Variants in SAAL1 observed in about 807,000 individuals in gnomAD.
The protein encoded by SAAL1 is serum amyloid A like 1, also known as protein SAAL1.
In SAAL1, 42 loss-of-function variants were observed where a neutral mutation model predicts 59.8. The ratio of observed to expected loss-of-function variants is 0.70; its 90% CI spans 0.55 to 0.91. SAAL1 has a LOEUF of 0.91. Among genes scored for constraint, SAAL1 ranks in the 40% least tolerant of loss-of-function variants. SAAL1 has a pLI of 0.00. For synonymous variants in SAAL1, 191 were observed against 194.3 expected, an observed-to-expected ratio of 0.98 and a Z score of 0.14; for missense variants, 542 against 561.1, an observed-to-expected ratio of 0.97 and a Z score of 0.34.
At chr11:18,087,093 A>G in intron 8 of SAAL1, 39 bp from the exon 9 acceptor site, 1 of 1,600,966 alleles carries the variant, frequency 6.2e-7, no homozygotes, top group South Asian at 1.1e-5. Context: ...CTTTAAAATC[A>G]GCAAACAATT....
chr11:18,101,166 T>C (rs1848629511), intron 2 of SAAL1, among the ~76,000 whole-genome samples: 1 of 152,206 alleles, frequency 6.6e-6, no homozygotes, highest in Admixed American at 6.5e-5. Flanking sequence ...TTATGTCTCA[T>C]ACACTGCTTG....
intron 1 of SAAL1, 77 bp from the exon 2 acceptor site, chr11:18,103,423 A>T (rs1454372292): frequency 9.6e-7 from 1 of 1,040,772 alleles, no homozygotes; most frequent in East Asian, 2.4e-5. Context: ...ACAGCAGGTG[A>T]TCAAATAACA....
Position 18,103,344 on chromosome 11 carries a change from A to C in SAAL1, c.138T>G (p.Ile46Met), listed in dbSNP as rs374228988. Residue 46 changes from isoleucine to methionine, a missense_variant and splice_region_variant, in exon 2 of 12, where the codon ATT becomes ATG. Transcript: ENST00000524803. ...LFGVLSGLIQ[I>M]VSPENTKSSS... ...TAGATTTGGTGTTTTCAGGGCTAACAATCTTCAGAAACACAAAGAAAGAAA... is the reference window on the plus strand; with the variant it reads ...TAGATTTGGTGTTTTCAGGGCTAACCATCTTCAGAAACACAAAGAAAGAAA... The C allele has an allele frequency of 1.1e-5, 18 of 1,607,660 alleles. No homozygotes were observed. In the Admixed American group the frequency reaches 3.0e-4, roughly 27 times the overall value.
intron 1 of SAAL1, 68 bp from the exon 2 acceptor site, chr11:18,103,414 C>G (rs1848654839): frequency 1.8e-6 from 2 of 1,112,988 alleles, no homozygotes; most frequent in Non-Finnish European, 2.7e-6. Context: ...TACCCAAATA[C>G]AGCAGGTGAT....
At chr11:18,090,575 C>G in intron 4 of SAAL1, 82 bp from the exon 5 acceptor site, 1 of 1,471,924 alleles carries the variant, frequency 6.8e-7, no homozygotes, top group African/African-American at 1.4e-5. Flanking sequence ...TTTTGAACAT[C>G]TTTATTGTGA....
At chr11:18,083,809 G>A in intron 9 of SAAL1, 78 bp from the exon 10 acceptor site, 1 of 881,634 alleles carries the variant, frequency 1.1e-6, no homozygotes, top group Non-Finnish European at 1.7e-6. Context: ...ATTAGTGCTA[G>A]ACATTATTAT....
Position 18,096,807 on chromosome 11 carries a change from C to G in SAAL1, c.297G>C (p.Met99Ile). ...GACACTTGGACTTGGCCAGTACTCCCATGAATATATCAGGAGCATTAAATT... is the reference window on the plus strand; with the variant it reads ...GACACTTGGACTTGGCCAGTACTCCGATGAATATATCAGGAGCATTAAATT... Reference protein sequence around the residue: ...LQEFNAPDIFMGVLAKSKCPR... With the variant: ...LQEFNAPDIFIGVLAKSKCPR... The change falls in exon 3 of 12, where the codon ATG (methionine) becomes ATC (isoleucine). Residue 99 changes from methionine to isoleucine, a missense_variant. Physicochemically the swap from Met to Ile is conservative, Grantham distance 10. Coordinates refer to ENST00000524803, the MANE Select transcript of SAAL1 (RefSeq NM_138421.3). 6.3e-7 allele frequency: 1 copy of G among 1,588,036 alleles called. No individual in the cohort carries two copies. The highest frequency in any genetic ancestry group is 2.2e-5 in the East Asian group (1 of 44,702).
In SAAL1 at chr11:18,084,187, A is replaced by T. The variant is rs192397920; in HGVS notation, c.1043-456T>A. Among the ~76,000 whole-genome samples, 22 of 152,232 alleles carry T rather than the reference A, an allele frequency of 1.4e-4. No individual in the cohort carries two copies. In the East Asian group the frequency reaches 4.3e-3, roughly 29 times the overall value. ...CCGTGTCTTTACAAAAAGTACAAAA[A>T]AATTAGCTCACAGGATTTTTCTACC... is the stretch of plus-strand genomic sequence containing the variant. On this transcript the variant is annotated intron_variant, in intron 9 of 11. Coordinates refer to ENST00000524803, the MANE Select transcript of SAAL1 (RefSeq NM_138421.3).
At chr11:18,100,495 C>T (rs531709306) in intron 2 of SAAL1, among the ~76,000 whole-genome samples, 4 of 152,284 alleles carry the variant, frequency 2.6e-5, no homozygotes, top group East Asian at 1.9e-4. Flanking sequence ...TTTGGGAGGC[C>T]GGGGCAGGGG....
chr11:18,081,052 C>CATATTCATAATACATTTCTTTCCAAATAT (rs1848404661), intron 11 of SAAL1, among the ~76,000 whole-genome samples: 1 of 152,076 alleles, frequency 6.6e-6, no homozygotes, highest in African/African-American at 2.4e-5. Flanking sequence ...AGGTATATTA[C>CATATTCATAATACATTTCTTTCCAAATAT]ATGATGCCGA....
rs1848489843 is a variant in SAAL1 at position 18,088,483 on chromosome 11, G to A, written c.770+847C>T. Among the ~76,000 whole-genome samples the A allele has an allele frequency of 1.3e-5, 2 of 152,282 alleles. 1 individual carries two copies. The highest frequency in any genetic ancestry group is 6.8e-3 in the Middle Eastern group (2 of 294). On this transcript the variant is annotated intron_variant, in intron 7 of 11. Coordinates refer to ENST00000524803, the MANE Select transcript of SAAL1 (RefSeq NM_138421.3). ...TTTGCAAAAACAGCTTTAAAGTCTA[G>A]GCTTGGGAAGAGCAAGCATAGAGGC... is the stretch of plus-strand genomic sequence containing the variant.
chr11:18,091,041 C>CCAT (rs1265424919), intron 4 of SAAL1: 2 of 152,260 alleles, frequency 1.3e-5, no homozygotes, highest in African/African-American at 4.8e-5. Context: ...GCAGAGCACT[C>CCAT]CATTGTGTGA....
intron 6 of SAAL1, 135 bp from the exon 7 acceptor site, chr11:18,089,645 A>G: frequency 1.5e-6 from 1 of 671,836 alleles, no homozygotes; most frequent in Non-Finnish European, 2.4e-6. Context: ...TGATTTACTT[A>G]TCTTTTATGT....
rs759811330 is a variant in SAAL1 at position 18,086,936 on chromosome 11, G to A, written c.972C>T (p.Ala324=). The part of the protein sequence containing the change: ...IILQEQKTVL[A]SVFSVLSAIY... ...TGGCAGACAACACTGAAAAAACAGA[G>A]GCTAGCACTGTTTTCTGTTCTTGAA... Residue 324 remains alanine, a synonymous_variant, in exon 9 of 12, where the codon GCC becomes GCT. Coordinates refer to ENST00000524803, the MANE Select transcript of SAAL1 (RefSeq NM_138421.3). 6.2e-7 allele frequency: 1 copy of A among 1,614,012 alleles called. No homozygotes were observed. Among genetic ancestry groups the A allele is most frequent in the South Asian group, 1.1e-5 (1 of 91,082 alleles).
intron 10 of SAAL1, among the ~76,000 whole-genome samples, chr11:18,082,149 T>C (rs1330562086): frequency 6.6e-6 from 1 of 152,108 alleles, no homozygotes; most frequent in Non-Finnish European, 1.5e-5. Flanking sequence ...CACTTAAAAG[T>C]TAAGAAATAT....
chr11:18,087,357 G>A (rs1013852927), intron 7 of SAAL1, 132 bp from the exon 8 acceptor site: 3 of 581,042 alleles, frequency 5.2e-6, no homozygotes, highest in African/African-American at 3.7e-5. Flanking sequence ...ACAAGGAAAG[G>A]AACGAAGTCT....
intron 1 of SAAL1, among the ~76,000 whole-genome samples, chr11:18,105,585 G>A (rs1848680219): frequency 6.6e-6 from 1 of 152,204 alleles, no homozygotes; most frequent in Admixed American, 6.5e-5. Flanking sequence ...AGAAATGACA[G>A]TGGGGATGGG....
chr11:18,092,227 T>C lies in SAAL1; in HGVS notation c.413+18A>G, dbSNP rs752486430. The C allele has an allele frequency of 7.6e-7, 1 of 1,319,736 alleles. No individual in the cohort carries two copies. The highest frequency in any genetic ancestry group is 1.1e-6 in the Non-Finnish European group (1 of 928,868). 81.8% of individuals were successfully genotyped at this position (1,319,736 alleles called of 1,614,324 possible). On this transcript the variant is annotated intron_variant, in intron 4 of 11. Transcript: ENST00000524803. ...TAAATGAATATATTAAAAAACATAA[T>C]TATATAGTAAGACTTACCCAAGATT...
intron 3 of SAAL1, among the ~76,000 whole-genome samples, chr11:18,095,329 T>C (rs1251353363): frequency 1.3e-5 from 2 of 152,272 alleles, no homozygotes; most frequent in South Asian, 2.1e-4. Flanking sequence ...AAAAACTCAG[T>C]ATAAAAATAG....
Sources: allele counts gnomAD v4.1 joint callset (sites outside exome capture counted in the v4.1 genomes callset), GRCh38; gene constraint gnomAD v4.1.1; transcripts MANE v1.5; gene names NCBI Gene and HGNC (gene_info 2026-07-23, HGNC 2026-07-21).